The following DCDC1 variants were observed in gnomAD, a reference collection of about 807,000 sequenced individuals.
DCDC1 encodes the protein doublecortin domain containing 1.
A neutral mutation model predicts 178.3 loss-of-function variants in DCDC1; 200 were observed. That is an observed-to-expected ratio of 1.12 (90% confidence interval 1.00 to 1.26). The LOEUF is 1.26. Ranked by LOEUF, DCDC1 falls within the 50% of genes most tolerant of loss-of-function variation. DCDC1 has a pLI of 0.00. For missense variants in DCDC1, 1,983 were observed against 1,749.2 expected (o/e 1.13, Z -2.38); for synonymous variants, 690 against 604.8 (o/e 1.14, Z -2.07).
intron 1 of DCDC1, among the ~76,000 whole-genome samples, chr11:31,350,529 A>T (rs1951017791): frequency 6.6e-6 from 1 of 152,126 alleles, no homozygotes; most frequent in Non-Finnish European, 1.5e-5. Flanking sequence ...TGAAAAAGGT[A>T]ATTAAAATTA....
At chr11:31,099,419 C>T (rs1958355957) in intron 15 of DCDC1, among the ~76,000 whole-genome samples, 2 of 152,130 alleles carry the variant, frequency 1.3e-5, no homozygotes, top group Non-Finnish European at 2.9e-5. Context: ...CCAGAATTCC[C>T]TAATATTGAA....
At chr11:31,194,743 G>A (rs1404186679) in intron 9 of DCDC1, among the ~76,000 whole-genome samples, 3 of 151,642 alleles carry the variant, frequency 2.0e-5, no homozygotes, top group African/African-American at 7.3e-5. Context: ...GGACATTTTT[G>A]CATGTAACAA....
intron 11 of DCDC1, among the ~76,000 whole-genome samples, chr11:31,111,912 C>T (rs1959182575): frequency 6.6e-6 from 1 of 152,174 alleles, no homozygotes; most frequent in Non-Finnish European, 1.5e-5. Context: ...CCTGAGAAAG[C>T]AGAGACGTCT....
intron 20 of DCDC1, among the ~76,000 whole-genome samples, chr11:30,973,894 C>CAG (rs60619412): frequency 0.023 from 3,552 of 152,158 alleles, 150 homozygotes; most frequent in African/African-American, 0.082. Context: ...ATGGACTAAA[C>CAG]ACTTTTACAG....
At chr11:31,251,615 C>CAGAG (rs142524213) in intron 8 of DCDC1, among the ~76,000 whole-genome samples, 9 of 147,826 alleles carry the variant, frequency 6.1e-5, no homozygotes, top group South Asian at 2.1e-4. Flanking sequence ...GACAGAGAAA[C>CAGAG]AGAGAGAGAG....
chr11:30,926,744 T>C (rs1946615840), intron 22 of DCDC1, among the ~76,000 whole-genome samples: 1 of 152,180 alleles, frequency 6.6e-6, no homozygotes, highest in South Asian at 2.1e-4. Context: ...ATATCCTCAA[T>C]GGGATAAAGC....
intron 20 of DCDC1, among the ~76,000 whole-genome samples, chr11:31,018,225 C>T (rs1227725022): frequency 2.6e-5 from 4 of 152,094 alleles, no homozygotes; most frequent in African/African-American, 9.7e-5. Context: ...GGCGTTTATA[C>T]CTATTATTTT....
intron 10 of DCDC1, among the ~76,000 whole-genome samples, chr11:31,132,773 A>G (rs955775601): frequency 7.9e-5 from 12 of 152,216 alleles, no homozygotes; most frequent in African/African-American, 2.4e-4. Context: ...ATTGTGCAGC[A>G]GAAAGCCTAC....
intron 9 of DCDC1, among the ~76,000 whole-genome samples, chr11:31,204,738 CT>C (rs1971679737): frequency 6.6e-6 from 1 of 152,172 alleles, no homozygotes; most frequent in African/African-American, 2.4e-5. Context: ...AGGAGAATCG[CT>C]TGAACTCAGG....
chr11:31,189,133 A>G (rs1029420290), intron 9 of DCDC1, among the ~76,000 whole-genome samples: 10 of 152,124 alleles, frequency 6.6e-5, no homozygotes, highest in African/African-American at 2.4e-4. Flanking sequence ...TACTCAGTCT[A>G]AGGTGTTTTT....
intron 9 of DCDC1, among the ~76,000 whole-genome samples, chr11:31,147,156 T>A (rs951336988): frequency 1.2e-4 from 18 of 152,196 alleles, no homozygotes; most frequent in Non-Finnish European, 2.1e-4. Context: ...TTCTTAGACT[T>A]CTTCCTGTAT....
Position 31,014,821 on chromosome 11 carries a change from A to T in DCDC1, c.2591+49648T>A, listed in dbSNP as rs568055159. Among the ~76,000 whole-genome samples, 103 of 152,310 alleles carry T rather than the reference A, an allele frequency of 6.8e-4. 1 individual carries two copies. Among genetic ancestry groups the T allele is most frequent in the Non-Finnish European group, 1.2e-3 (80 of 68,028 alleles). ...ACTTTTAAGGGAGATCAACATCTTA[A>T]TATCCATTTATCTTCTAATCACCAA... On this transcript the variant is annotated intron_variant, in intron 20 of 38. Coordinates refer to ENST00000684477, the MANE Select transcript of DCDC1 (RefSeq NM_001387274.1).
intron 27 of DCDC1, among the ~76,000 whole-genome samples, chr11:30,913,596 T>C (rs1945613900): frequency 6.6e-6 from 1 of 152,108 alleles, no homozygotes; most frequent in Non-Finnish European, 1.5e-5. Context: ...GCCTCTCTTT[T>C]CCGTGTCTTG....
intron 11 of DCDC1, among the ~76,000 whole-genome samples, chr11:31,115,137 G>A (rs1231150676): frequency 6.6e-6 from 1 of 152,172 alleles, no homozygotes; most frequent in Non-Finnish European, 1.5e-5. Context: ...TTTATTGACT[G>A]TGAAGATTTT....
chr11:30,871,336 C>T (rs901314402), intron 38 of DCDC1, among the ~76,000 whole-genome samples: 3 of 152,046 alleles, frequency 2.0e-5, no homozygotes, highest in Admixed American at 1.3e-4. Context: ...CCACTGGGAC[C>T]CAGACAGGCA....
chr11:30,947,419 T>C (rs1948117426), intron 21 of DCDC1, among the ~76,000 whole-genome samples: 1 of 152,150 alleles, frequency 6.6e-6, no homozygotes, highest in South Asian at 2.1e-4. Context: ...ACATTTACAG[T>C]GAACTCATTT....
rs376964952 is a variant in DCDC1 at position 30,915,675 on chromosome 11, A to G, written c.3489T>C (p.Cys1163=). 2 of 1,613,778 alleles carry G rather than the reference A, an allele frequency of 1.2e-6. No individual in the cohort carries two copies. Among genetic ancestry groups the G allele is most frequent in the Non-Finnish European group, 1.7e-6 (2 of 1,179,840 alleles). Reference sequence around the variant, plus strand: ...CATCTCTGTATTCGAACTGCTGATGACAATGCTTGTGCAATTTACTATGCT... The same window carrying G: ...CATCTCTGTATTCGAACTGCTGATGGCAATGCTTGTGCAATTTACTATGCT... ...SPKHSKLHKH[C]HQQFEYRDGQ... Residue 1163 remains cysteine (C), a synonymous_variant, in exon 27 of 39, where the codon TGT becomes TGC. Coordinates refer to ENST00000684477, the MANE Select transcript of DCDC1 (RefSeq NM_001387274.1).
intron 20 of DCDC1, among the ~76,000 whole-genome samples, chr11:31,048,419 G>A (rs1565219588): frequency 6.6e-6 from 1 of 152,184 alleles, no homozygotes; most frequent in South Asian, 2.1e-4. Flanking sequence ...ATCCTACATT[G>A]TTTCTGGGCA....
chr11:31,278,498 A>G (rs1946158156), intron 7 of DCDC1, among the ~76,000 whole-genome samples: 1 of 152,156 alleles, frequency 6.6e-6, no homozygotes, highest in Non-Finnish European at 1.5e-5. Flanking sequence ...AATGGTGATT[A>G]CAGGAGACTG....
Sources: allele counts gnomAD v4.1 joint callset (sites outside exome capture counted in the v4.1 genomes callset), GRCh38; gene constraint gnomAD v4.1.1; transcripts MANE v1.5; gene names NCBI Gene and HGNC (gene_info 2026-07-23, HGNC 2026-07-21).